MDGA2: variants seen among roughly 807,000 people sequenced by gnomAD.
MDGA2 encodes MAM domain-containing glycosylphosphatidylinositol anchor protein 2.
A neutral mutation model predicts 117.8 loss-of-function variants in MDGA2; 40 were observed. That is an observed-to-expected ratio of 0.34 (90% CI 0.26 to 0.44). The LOEUF (loss-of-function observed/expected upper bound fraction) is 0.44, where lower values mean the gene tolerates loss of function less well. MDGA2 is among the 20% of genes least tolerant of loss of function. The pLI, the probability that MDGA2 is intolerant of heterozygous loss-of-function variation, is 1.00. For synonymous variants in MDGA2, 452 were observed against 439.0 expected (o/e 1.03, Z -0.37); for missense variants, 1,123 against 1,250.6 (o/e 0.90, Z 1.54).
chr14:46,850,413 T>C (rs1011865778), intron 15 of MDGA2, among the ~76,000 whole-genome samples: 1 of 151,868 alleles, frequency 6.6e-6, no homozygotes, highest in Admixed American at 6.6e-5. Flanking sequence ...GCCTTCATTG[T>C]TAATGGTGAC....
intron 14 of MDGA2, among the ~76,000 whole-genome samples, chr14:46,858,682 C>T (rs1594999410): frequency 6.6e-6 from 1 of 152,052 alleles, no homozygotes; most frequent in African/African-American, 2.4e-5. Flanking sequence ...CAGCCTTGGC[C>T]TCTCAAAGTG....
At chr14:46,886,004 G>C (rs1228657831) in intron 10 of MDGA2, among the ~76,000 whole-genome samples, 1 of 152,060 alleles carries the variant, frequency 6.6e-6, no homozygotes, top group East Asian at 1.9e-4. Context: ...TTCAAAAGAC[G>C]TTTGCTATGC....
chr14:47,574,251 A>C (rs1896074485), intron 1 of MDGA2, among the ~76,000 whole-genome samples: 1 of 152,136 alleles, frequency 6.6e-6, no homozygotes, highest in African/African-American at 2.4e-5. Context: ...TCACAAGCCT[A>C]AGTAAAGGTA....
intron 1 of MDGA2, among the ~76,000 whole-genome samples, chr14:47,671,539 A>G (rs1280174388): frequency 6.6e-6 from 1 of 152,210 alleles, no homozygotes; most frequent in Non-Finnish European, 1.5e-5. Flanking sequence ...ATTTTGCCTG[A>G]GTAACCTAGA....
At chr14:47,668,626 G>C (rs1211793103) in intron 1 of MDGA2, among the ~76,000 whole-genome samples, 1 of 152,192 alleles carries the variant, frequency 6.6e-6, no homozygotes, top group Admixed American at 6.5e-5. Flanking sequence ...TTTACACTCA[G>C]TCACTGAAGC....
At chr14:47,330,365 C>A (rs1422199506) in intron 1 of MDGA2, among the ~76,000 whole-genome samples, 1 of 151,906 alleles carries the variant, frequency 6.6e-6, no homozygotes, top group South Asian at 2.1e-4. Flanking sequence ...TGCTATGTGT[C>A]TGTGCTTTAA....
At position 47,347,801 on chromosome 14, in the gene MDGA2, G is replaced by A. The variant is rs556723697; in HGVS notation, c.281-46251C>T. Among the ~76,000 whole-genome samples the A allele has an allele frequency of 4.6e-5, 7 of 152,268 alleles. No homozygotes were observed. The South Asian group carries it at 1.5e-3, about 32-fold the overall frequency. On this transcript the variant is annotated intron_variant, in intron 1 of 16. Coordinates refer to ENST00000399232, the MANE Select transcript of MDGA2 (RefSeq NM_001113498.3). ...AGGACATCATTACGATGTCCAATAT[G>A]TAAAAATGGACAAATTCCACAAAAA...
intron 1 of MDGA2, chr14:47,306,148 A>C (rs1889437588): frequency 6.6e-6 from 1 of 152,172 alleles, no homozygotes; most frequent in Non-Finnish European, 1.5e-5. Flanking sequence ...GAGGCCTGGG[A>C]ATGGATAATG....
chr14:47,532,448 A>G (rs1270076710), intron 1 of MDGA2, among the ~76,000 whole-genome samples: 1 of 152,076 alleles, frequency 6.6e-6, no homozygotes, highest in African/African-American at 2.4e-5. Flanking sequence ...TTGTGAGTTC[A>G]TTTCTAATGA....
chr14:47,106,729 G>C lies in MDGA2; in HGVS notation c.926-9606C>G, dbSNP rs377048531. On this transcript the variant is annotated intron_variant, in intron 5 of 16. Coordinates refer to ENST00000399232, the MANE Select transcript of MDGA2 (RefSeq NM_001113498.3). Reference sequence around the variant, plus strand: ...CGAGCTTCCGGTAACTCTCACAGTGGAAGGTAAGCCCGTCCCCTTCTTAAT... The same window carrying C: ...CGAGCTTCCGGTAACTCTCACAGTGCAAGGTAAGCCCGTCCCCTTCTTAAT... Among the ~76,000 whole-genome samples, 159 of 151,280 alleles carry C rather than the reference G, an allele frequency of 1.1e-3. 2 individuals are homozygous for C. The highest frequency in any genetic ancestry group is 8.3e-3 in the East Asian group (43 of 5,164).
intron 3 of MDGA2, chr14:47,200,938 G>A (rs1226921342): frequency 1.9e-5 from 16 of 827,474 alleles, no homozygotes; most frequent in Middle Eastern, 3.4e-4. Context: ...AGCCTCGCTC[G>A]GTCCGAACTT....
intron 3 of MDGA2, among the ~76,000 whole-genome samples, chr14:47,210,540 A>G (rs1469851612): frequency 6.6e-6 from 1 of 152,232 alleles, no homozygotes; most frequent in Non-Finnish European, 1.5e-5. Context: ...GGTAACAAAT[A>G]TATTTGGGAA....
At chr14:47,247,306 ATTTT>A (rs11312463) in intron 2 of MDGA2, among the ~76,000 whole-genome samples, 2 of 140,420 alleles carry the variant, frequency 1.4e-5, no homozygotes, top group Non-Finnish European at 1.6e-5. Context: ...ATAGTTTCAT[ATTTT>A]TTTTTTTTTT....
rs554889053 is a variant in MDGA2 at position 47,441,637 on chromosome 14, G to C, written c.281-140087C>G. On this transcript the variant is annotated intron_variant, in intron 1 of 16. Transcript: ENST00000399232. ...GCCATATAGACTCCCTTTCCTCATG[G>C]AATTGACAGTTTTTTGAAAATCAGA... Among the ~76,000 whole-genome samples the C allele has an allele frequency of 1.5e-4, 23 of 152,204 alleles. No homozygotes were observed. In the South Asian group the frequency reaches 4.1e-3, roughly 27 times the overall value.
intron 9 of MDGA2, among the ~76,000 whole-genome samples, chr14:46,931,096 TC>T (rs1160253695): frequency 6.7e-6 from 1 of 149,616 alleles, no homozygotes; most frequent in Non-Finnish European, 1.5e-5. Context: ...GCACCTGTAA[TC>T]CCAGCTACCC....
chr14:47,497,612 G>A (rs944447205), intron 1 of MDGA2, among the ~76,000 whole-genome samples: 1 of 152,046 alleles, frequency 6.6e-6, no homozygotes, highest in Non-Finnish European at 1.5e-5. Context: ...AAACATTACC[G>A]CTGATTGGTT....
intron 3 of MDGA2, among the ~76,000 whole-genome samples, chr14:47,156,967 T>G (rs1181465118): frequency 6.6e-6 from 1 of 152,194 alleles, no homozygotes; most frequent in Non-Finnish European, 1.5e-5. Flanking sequence ...CATATGTCTG[T>G]CAATGACCAC....
intron 1 of MDGA2, among the ~76,000 whole-genome samples, chr14:47,470,191 G>A (rs1378622796): frequency 1.3e-5 from 2 of 151,194 alleles, no homozygotes; most frequent in African/African-American, 2.4e-5. Context: ...AGGTATACAC[G>A]TGCCACGGCG....
At chr14:47,635,660 C>A (rs916813030) in intron 1 of MDGA2, among the ~76,000 whole-genome samples, 1 of 152,082 alleles carries the variant, frequency 6.6e-6, no homozygotes, top group Non-Finnish European at 1.5e-5. Flanking sequence ...AGGACTGTGG[C>A]CATTATCTGA....
Sources: gnomAD v4.1 joint callset for allele counts (sites outside exome capture counted in the v4.1 genomes callset) on GRCh38, gnomAD v4.1.1 for gene constraint, MANE v1.5 for transcripts, NCBI Gene and HGNC (gene_info 2026-07-23, HGNC 2026-07-21) for gene names.